Variants in PCDHA6 observed in about 807,000 individuals in gnomAD.
PCDHA6 encodes protocadherin alpha-6.
PCDHA6 carries 55 observed loss-of-function variants against 60.3 expected under a neutral mutation model. The observed-to-expected ratio is 0.91, with a 90% confidence interval of 0.73 to 1.14. The LOEUF is 1.14. PCDHA6 is among the 50% of genes most tolerant of loss of function. The pLI, the probability that PCDHA6 is intolerant of heterozygous loss-of-function variation, is 0.00. For missense variants in PCDHA6, 1,327 were observed against 1,256.5 expected (o/e 1.06, Z -0.85); for synonymous variants, 652 against 557.9 (o/e 1.17, Z -2.38).
intron 1 of PCDHA6, among the ~76,000 whole-genome samples, chr5:140,837,714 C>G (rs1488550571): frequency 1.3e-5 from 2 of 151,510 alleles, no homozygotes; most frequent in African/African-American, 2.4e-5. Flanking sequence ...CACTCCATCA[C>G]CCAGGCTGCT....
At chr5:140,870,955 C>G (rs782342308) in intron 1 of PCDHA6, 1 of 1,613,632 alleles carries the variant, frequency 6.2e-7, no homozygotes, top group South Asian at 1.1e-5. Context: ...GGGCGGCTCG[C>G]GCATCCCGTT....
intron 1 of PCDHA6, chr5:140,863,348 C>G (rs548906600): frequency 3.0e-5 from 39 of 1,313,260 alleles, no homozygotes; most frequent in Non-Finnish European, 4.0e-5. Flanking sequence ...CTGCTGTACA[C>G]GACGCTGCGG....
chr5:140,930,494 A>T (rs1238249815), intron 1 of PCDHA6: 3 of 152,500 alleles, frequency 2.0e-5, no homozygotes, highest in Admixed American at 6.6e-5. Flanking sequence ...AAGTGCTGGG[A>T]TTACAGGCAT....
intron 1 of PCDHA6, among the ~76,000 whole-genome samples, chr5:140,890,509 A>G (rs1448258191): frequency 6.6e-6 from 1 of 151,802 alleles, no homozygotes; most frequent in African/African-American, 2.4e-5. Flanking sequence ...TTATGTCTCT[A>G]TTTCCTTCCT....
At chr5:140,884,758 C>T in intron 1 of PCDHA6, 2 of 1,424,736 alleles carry the variant, frequency 1.4e-6, no homozygotes, top group Middle Eastern at 4.1e-4. Flanking sequence ...TCAAATTATT[C>T]TTTACTTTAA....
At position 140,927,469 on chromosome 5, in the gene PCDHA6, C is replaced by G. The variant is rs17844359; in HGVS notation, c.2395-51480C>G. ...GTTGGTGTTGGAGAAAGCACTGGATCGCGAACAGCGCGCCACCCACCTGCT... is the reference window on the plus strand; with the variant it reads ...GTTGGTGTTGGAGAAAGCACTGGATGGCGAACAGCGCGCCACCCACCTGCT... On this transcript the variant is annotated intron_variant, in intron 1 of 3. Transcript: ENST00000529310. 39 of 1,613,964 alleles carry G rather than the reference C, an allele frequency of 2.4e-5. No individual in the cohort carries two copies. The highest frequency in any genetic ancestry group is 1.3e-4 in the South Asian group (12 of 91,094).
intron 1 of PCDHA6, chr5:140,928,859 T>G (rs782758888): frequency 1.2e-6 from 2 of 1,614,176 alleles, no homozygotes; most frequent in Non-Finnish European, 1.7e-6. Flanking sequence ...GGTGTGCTGT[T>G]GAGCAACTCT....
intron 1 of PCDHA6, among the ~76,000 whole-genome samples, chr5:140,959,419 A>G (rs1554224077): frequency 2.0e-5 from 3 of 152,150 alleles, no homozygotes; most frequent in Non-Finnish European, 4.4e-5. Context: ...TTGATCTGAG[A>G]ATTTGTGTAT....
At chr5:140,997,572 G>T (rs1457109655) in intron 3 of PCDHA6, among the ~76,000 whole-genome samples, 1 of 152,068 alleles carries the variant, frequency 6.6e-6, no homozygotes, top group Non-Finnish European at 1.5e-5. Context: ...CATATGTGTG[G>T]TCCGTTGTTG....
chr5:140,989,745 C>A (rs1554251059), intron 3 of PCDHA6, among the ~76,000 whole-genome samples: 2 of 152,154 alleles, frequency 1.3e-5, no homozygotes, highest in African/African-American at 4.8e-5. Context: ...ATTGCCTAAT[C>A]TGGAGAAACA....
intron 1 of PCDHA6, among the ~76,000 whole-genome samples, chr5:140,951,950 G>A (rs1408300368): frequency 6.6e-6 from 1 of 152,120 alleles, no homozygotes; most frequent in Non-Finnish European, 1.5e-5. Flanking sequence ...GCGGGTACAG[G>A]CATTGGGTAA....
intron 1 of PCDHA6, among the ~76,000 whole-genome samples, chr5:140,937,289 G>A (rs1252675615): frequency 6.6e-5 from 10 of 151,862 alleles, no homozygotes; most frequent in African/African-American, 9.7e-5. Flanking sequence ...CACCCGCTTC[G>A]GCCTCCCAAA....
chr5:140,841,787 G>T, intron 1 of PCDHA6: 1 of 1,613,878 alleles, frequency 6.2e-7, no homozygotes, highest in Non-Finnish European at 8.5e-7. Flanking sequence ...TCCGCTAGAG[G>T]GCGCGTCCGA....
chr5:140,870,028 T>A, intron 1 of PCDHA6: 1 of 1,613,550 alleles, frequency 6.2e-7, no homozygotes, highest in Non-Finnish European at 8.5e-7. Flanking sequence ...AACTTTAGAT[T>A]ATGAAGAAAA....
intron 1 of PCDHA6, among the ~76,000 whole-genome samples, chr5:140,933,676 A>AT (rs1400784175): frequency 6.6e-6 from 1 of 151,552 alleles, no homozygotes; most frequent in Non-Finnish European, 1.5e-5. Context: ...TCTCTCTCAC[A>AT]TTTTTTTTCC....
intron 3 of PCDHA6, among the ~76,000 whole-genome samples, chr5:140,991,237 A>G (rs2097440162): frequency 6.6e-6 from 1 of 152,186 alleles, no homozygotes; most frequent in African/African-American, 2.4e-5. Context: ...ATGCAGTGGT[A>G]AAGGCAGTAT....
chr5:140,854,460 A>G (rs2043130450), intron 1 of PCDHA6: 1 of 150,030 alleles, frequency 6.7e-6, no homozygotes, highest in Non-Finnish European at 1.5e-5. Context: ...GAGGCATTCC[A>G]GAGGAGTAGA....
At chr5:140,944,028 A>T (rs1341498532) in intron 1 of PCDHA6, among the ~76,000 whole-genome samples, 1 of 152,222 alleles carries the variant, frequency 6.6e-6, no homozygotes, top group African/African-American at 2.4e-5. Context: ...TATCTTCAAA[A>T]TATGGAAAAC....
At chr5:140,865,116 G>T (rs2048743320) in intron 1 of PCDHA6, 1 of 152,144 alleles carries the variant, frequency 6.6e-6, no homozygotes, top group Non-Finnish European at 1.5e-5. Flanking sequence ...GACAATTGTG[G>T]TGTTAATTAT....
Sources: gnomAD v4.1 joint callset for allele counts (sites outside exome capture counted in the v4.1 genomes callset) on GRCh38, gnomAD v4.1.1 for gene constraint, MANE v1.5 for transcripts, NCBI Gene and HGNC (gene_info 2026-07-23, HGNC 2026-07-21) for gene names.